Variants in ABCA13 observed in about 807,000 individuals in gnomAD.
ABCA13 encodes the protein ATP-binding cassette sub-family A member 13.
In ABCA13, 476 loss-of-function variants were observed where a neutral mutation model predicts 478.7. The ratio of observed to expected loss-of-function variants is 0.99; its 90% CI spans 0.92 to 1.07. The LOEUF (loss-of-function observed/expected upper bound fraction) is 1.07, where lower values mean the gene tolerates loss of function less well. Among genes scored for constraint, ABCA13 ranks in the 50% least tolerant of loss-of-function variants. The probability of loss-of-function intolerance (pLI) is 0.00; values close to 1 mark genes in which losing one functional copy is unlikely to be tolerated. For missense variants in ABCA13, 6,060 were observed against 5,910.6 expected (o/e 1.03, Z -0.83); for synonymous variants, 2,252 against 2,158.9 (o/e 1.04, Z -1.20).
chr7:48,406,095 T>C (rs1818228075), intron 39 of ABCA13, among the ~76,000 whole-genome samples: 1 of 152,206 alleles, frequency 6.6e-6, no homozygotes, highest in Non-Finnish European at 1.5e-5. Context: ...TCTGTCGGAA[T>C]ACCAGTGCAG....
chr7:48,257,691 G>A (rs928109928), intron 15 of ABCA13, among the ~76,000 whole-genome samples: 2 of 152,156 alleles, frequency 1.3e-5, no homozygotes, highest in African/African-American at 4.8e-5. Flanking sequence ...ATGTGTTGCT[G>A]ATTTGGTTTG....
chr7:48,434,951 T>C (rs1021018373), intron 42 of ABCA13, among the ~76,000 whole-genome samples: 2 of 152,044 alleles, frequency 1.3e-5, no homozygotes, highest in East Asian at 3.9e-4. Flanking sequence ...ATTCTCCAAA[T>C]TTCTTCATAT....
chr7:48,409,848 G>A (rs1483831662), intron 39 of ABCA13, among the ~76,000 whole-genome samples: 2 of 151,670 alleles, frequency 1.3e-5, no homozygotes, highest in South Asian at 2.1e-4. Flanking sequence ...GGGTGGCCGA[G>A]GTGGGTGGAC....
Position 48,352,174 on chromosome 7 carries a change from C to A in ABCA13, c.10382-7C>A, listed in dbSNP as rs1809119366. On this transcript the variant is annotated splice_region_variant and splice_polypyrimidine_tract_variant and intron_variant, in intron 30 of 61. Coordinates refer to ENST00000435803, the MANE Select transcript of ABCA13 (RefSeq NM_152701.5). ...GTAATGCTTCGTTTTTCCTTTTCTG[C>A]CACTAGGTATCATTTTCAGCAATTC... 6.3e-7 allele frequency: 1 copy of A among 1,596,084 alleles called. No homozygotes were observed. Among genetic ancestry groups the A allele is most frequent in the East Asian group, 2.2e-5 (1 of 44,626 alleles).
chr7:48,352,545 T>A (rs1238344991), intron 31 of ABCA13, 58 bp downstream of exon 31: 11 of 1,457,112 alleles, frequency 7.5e-6, no homozygotes, highest in Non-Finnish European at 6.4e-6. Context: ...TTTGTCTAGC[T>A]GAGGAGAGAA....
intron 56 of ABCA13, among the ~76,000 whole-genome samples, chr7:48,583,026 G>A (rs1788850812): frequency 6.6e-6 from 1 of 152,164 alleles, no homozygotes; most frequent in Admixed American, 6.5e-5. Context: ...TAGTTTCAAT[G>A]TTAGTGTCAT....
chr7:48,532,666 C>A (rs1010927813), intron 55 of ABCA13, among the ~76,000 whole-genome samples: 1 of 151,930 alleles, frequency 6.6e-6, no homozygotes, highest in Non-Finnish European at 1.5e-5. Context: ...TTTTAATTAT[C>A]ATTTCAATCT....
rs1398618410 is a variant in ABCA13 at position 48,278,794 on chromosome 7, G to C, written c.7600G>C (p.Gly2534Arg). The change falls in exon 18 of 62, where the codon GGG becomes CGG. Residue 2534 changes from glycine to arginine, a missense_variant. Gly to Arg is a moderately radical substitution (Grantham distance 125). This residue lies in a region of ABCA13 where 4,423 missense variants were observed against 4,309.1 expected (regional missense o/e 1.03). Transcript: ENST00000435803. ...TCTTAAGCTGGTCAAGAAAGTTTCG[G>C]GGAAGATGTCCACAGTTTTTAAAAC... is the stretch of plus-strand genomic sequence containing the variant. Reference protein sequence around the residue: ...KLLKLVKKVSGKMSTVFKTHF... With the variant: ...KLLKLVKKVSRKMSTVFKTHF... 1 of 1,613,708 alleles carries C rather than the reference G, an allele frequency of 6.2e-7. No individual in the cohort carries two copies. The highest frequency in any genetic ancestry group is 1.3e-5 in the African/African-American group (1 of 74,894).
rs963510903 is a variant in ABCA13, at chr7:48,600,234, GC to G, written c.14744+5423del. Among the ~76,000 whole-genome samples the G allele has an allele frequency of 2.3e-4, 35 of 152,060 alleles. 1 individual carries two copies. Among genetic ancestry groups the G allele is most frequent in the African/African-American group, 7.9e-4 (33 of 41,518 alleles). On this transcript the variant is annotated intron_variant, in intron 58 of 61. Transcript: ENST00000435803. Reference sequence around the variant, plus strand: ...TATTTTGTTTCTTAAAATAGCCATTGCCTCTGTCTTTTGGATAATGTTTGTG... The same window carrying G: ...TATTTTGTTTCTTAAAATAGCCATTGCTCTGTCTTTTGGATAATGTTTGTG...
At chr7:48,449,325 C>G (rs540730897) in intron 42 of ABCA13, among the ~76,000 whole-genome samples, 68 of 152,214 alleles carry the variant, frequency 4.5e-4, no homozygotes, top group Admixed American at 6.5e-4. Flanking sequence ...TCTCCTCTTC[C>G]CTTTTCTATT....
chr7:48,581,687 A>G (rs1788725262), intron 56 of ABCA13, among the ~76,000 whole-genome samples: 1 of 152,226 alleles, frequency 6.6e-6, no homozygotes, highest in South Asian at 2.1e-4. Flanking sequence ...TCTGTCTTAC[A>G]ACTTTGTTTT....
At chr7:48,462,066 A>C (rs987609624) in intron 43 of ABCA13, among the ~76,000 whole-genome samples, 3 of 148,738 alleles carry the variant, frequency 2.0e-5, no homozygotes, top group Admixed American at 6.7e-5. Flanking sequence ...ATGCCCCCTA[A>C]ATTGCTTCTT....
chr7:48,211,257 G>A (rs1231889961), intron 3 of ABCA13, among the ~76,000 whole-genome samples: 1 of 152,170 alleles, frequency 6.6e-6, no homozygotes, highest in Non-Finnish European at 1.5e-5. Flanking sequence ...CTTCTTGAGA[G>A]GACTTTCCAA....
chr7:48,242,627 C>T (rs1055110128), intron 10 of ABCA13, among the ~76,000 whole-genome samples: 7 of 152,176 alleles, frequency 4.6e-5, no homozygotes, highest in African/African-American at 1.7e-4. Flanking sequence ...TTAGTAGAGA[C>T]AGGGTTTCAC....
At position 48,275,592 on chromosome 7, in the gene ABCA13, A is replaced by C; in HGVS notation, c.5926A>C (p.Lys1976Gln). 1 of 1,612,698 alleles carries C rather than the reference A, an allele frequency of 6.2e-7. No individual in the cohort carries two copies. The highest frequency in any genetic ancestry group is 8.5e-7 in the Non-Finnish European group (1 of 1,179,170). ...TACATCAGGTGAAAATATTCTTGAC[A>C]AACTAAGTAGTTTAAACAAGATCCT... ...KVTSGENILDKLSSLNKILNI... is the reference protein window; with the variant it reads ...KVTSGENILDQLSSLNKILNI... The change falls in exon 17 of 62, where the codon AAA becomes CAA. Residue 1976 changes from lysine to glutamine, a missense_variant. By Grantham distance (53) the Lys-to-Gln change is moderately conservative. Transcript: ENST00000435803.
chr7:48,569,957 T>C (rs1787449079), intron 55 of ABCA13, among the ~76,000 whole-genome samples: 1 of 152,234 alleles, frequency 6.6e-6, no homozygotes, highest in African/African-American at 2.4e-5. Context: ...TAAGTCTCTA[T>C]AGTCTCTTAG....
chr7:48,528,536 G>C (rs1833026048), intron 55 of ABCA13, among the ~76,000 whole-genome samples, 191 bp downstream of exon 55: 1 of 152,142 alleles, frequency 6.6e-6, no homozygotes, highest in Non-Finnish European at 1.5e-5. Context: ...AGTACTTCCA[G>C]CTGGAGTAAA....
In ABCA13 at chr7:48,278,112, A is replaced by T. The variant is rs764937260; in HGVS notation, c.6918A>T (p.Lys2306Asn). 8 of 1,327,504 alleles carry T rather than the reference A, an allele frequency of 6.0e-6. No individual in the cohort carries two copies. The highest frequency in any genetic ancestry group is 7.9e-6 in the Non-Finnish European group (8 of 1,006,924). The allele number at this position is 1,327,504 out of a possible 1,614,324, so 82.2% of individuals were successfully genotyped here. The change falls in exon 18 of 62, where the codon AAA (lysine) becomes AAT (asparagine). Residue 2306 changes from lysine (K) to asparagine (N), a missense_variant. Coordinates refer to ENST00000435803, the MANE Select transcript of ABCA13 (RefSeq NM_152701.5). ...IAEMSFVPKD[K>N]ILEILKLDQF... is the part of the protein sequence containing the mutation. ...TTTACAGTTTTGTCCCAAAAGATAA[A>T]ATTCTAGAAATTCTGAAACTGGATC... is the stretch of plus-strand genomic sequence containing the variant.
intron 15 of ABCA13, among the ~76,000 whole-genome samples, chr7:48,268,056 G>A (rs1376181326): frequency 6.6e-6 from 1 of 152,044 alleles, no homozygotes; most frequent in African/African-American, 2.4e-5. Flanking sequence ...TTTACTCAAT[G>A]ACTAATGAAT....
Sources: allele counts gnomAD v4.1 joint callset (sites outside exome capture counted in the v4.1 genomes callset), GRCh38; gene constraint gnomAD v4.1.1; regional missense constraint gnomAD v4.1.1; transcripts MANE v1.5; gene names NCBI Gene and HGNC (gene_info 2026-07-23, HGNC 2026-07-21).